Variants in SPAG17 observed in about 807,000 individuals in gnomAD.
SPAG17 encodes sperm associated antigen 17.
A neutral mutation model predicts 273.6 loss-of-function variants in SPAG17; 169 were observed. The observed-to-expected ratio is 0.62, with a 90% CI of 0.55 to 0.70. The LOEUF (loss-of-function observed/expected upper bound fraction) is 0.70. Among genes scored for constraint, SPAG17 ranks in the 30% least tolerant of loss-of-function variants. The pLI is 0.00. For synonymous variants in SPAG17, 825 were observed against 873.2 expected, an observed-to-expected ratio of 0.94 and a Z score of 0.97; for missense variants, 2,557 against 2,627.8, an observed-to-expected ratio of 0.97 and a Z score of 0.59.
intron 48 of SPAG17, 100 bp downstream of exon 48, chr1:117,963,699 T>C: frequency 8.8e-7 from 1 of 1,136,914 alleles, no homozygotes. Flanking sequence ...GCCAGGTGGC[T>C]TATAGGTTTC....
intron 1 of SPAG17, among the ~76,000 whole-genome samples, chr1:118,180,674 A>G (rs867992417): frequency 2.6e-5 from 4 of 152,090 alleles, no homozygotes; most frequent in Non-Finnish European, 5.9e-5. Flanking sequence ...TTCAAACTAT[A>G]TGATTGTATT....
intron 21 of SPAG17, 152 bp downstream of exon 21, chr1:118,041,651 G>T: frequency 1.0e-6 from 1 of 991,384 alleles, no homozygotes; most frequent in Non-Finnish European, 1.5e-6. Context: ...TAGGTATCAG[G>T]GGTGGAATAC....
At position 118,039,276 on chromosome 1, in the gene SPAG17, C is replaced by A; in HGVS notation, c.3319+16G>T. The A allele has an allele frequency of 6.2e-7, 1 of 1,610,086 alleles. No individual in the cohort carries two copies. The highest frequency in any genetic ancestry group is 8.5e-7 in the Non-Finnish European group (1 of 1,178,286). ...AGTATTAGTCAGAAGAAAGAAACCACTAAACAGCAGCTTACCCGTTTCAAG... is the reference window on the plus strand; with the variant it reads ...AGTATTAGTCAGAAGAAAGAAACCAATAAACAGCAGCTTACCCGTTTCAAG... On this transcript the variant is annotated intron_variant, in intron 23 of 48. Coordinates refer to ENST00000336338, the MANE Select transcript of SPAG17 (RefSeq NM_206996.4).
chr1:118,033,710 C>T lies in SPAG17; in HGVS notation c.3434-1843G>A, dbSNP rs1292042368. Among the ~76,000 whole-genome samples, 3 of 152,350 alleles carry T rather than the reference C, an allele frequency of 2.0e-5. No individual in the cohort carries two copies. In the East Asian group the frequency reaches 5.8e-4, roughly 29 times the overall value. The stretch of plus-strand genomic sequence containing the variant: ...ACAATCTGGTCTTCACCTACCTCCA[C>T]TGCAGCCACACTGAACTTTTCACCT... On this transcript the variant is annotated intron_variant, in intron 24 of 48. Coordinates refer to ENST00000336338, the MANE Select transcript of SPAG17 (RefSeq NM_206996.4).
chr1:117,981,521 G>T, intron 42 of SPAG17, 120 bp from the exon 43 acceptor site: 2 of 1,001,272 alleles, frequency 2.0e-6, no homozygotes, highest in Non-Finnish European at 2.9e-6. Context: ...TACCTTTTCT[G>T]CCACTCTCTT....
At chr1:117,977,360 C>A (rs1450581285) in intron 43 of SPAG17, among the ~76,000 whole-genome samples, 1 of 152,010 alleles carries the variant, frequency 6.6e-6, no homozygotes, top group Non-Finnish European at 1.5e-5. Flanking sequence ...TTTTCTCTTC[C>A]CTACATCAGG....
At chr1:118,020,194 G>A (rs1660366311) in intron 28 of SPAG17, among the ~76,000 whole-genome samples, 3 of 152,134 alleles carry the variant, frequency 2.0e-5, no homozygotes, top group Non-Finnish European at 2.9e-5. Flanking sequence ...CAAGGCAAGC[G>A]GATCACTTTA....
intron 22 of SPAG17, 79 bp from the exon 23 acceptor site, chr1:118,039,523 C>T (rs1267931550): frequency 3.5e-6 from 5 of 1,429,372 alleles, no homozygotes; most frequent in African/African-American, 1.4e-5. Context: ...TTACACAATG[C>T]TGCACAGAAA....
At chr1:118,044,044 T>C (rs147394374) in intron 20 of SPAG17, among the ~76,000 whole-genome samples, 1 of 152,330 alleles carries the variant, frequency 6.6e-6, no homozygotes, top group African/African-American at 2.4e-5. Flanking sequence ...GGTAGCTATA[T>C]GGAATTTACA....
chr1:118,074,412 C>T, intron 16 of SPAG17, 127 bp downstream of exon 16: 1 of 819,772 alleles, frequency 1.2e-6, no homozygotes, highest in Non-Finnish European at 2.0e-6. Context: ...CGAATAGTTC[C>T]TCTTTTCTAG....
chr1:118,065,945 T>C (rs1420290685), intron 18 of SPAG17, among the ~76,000 whole-genome samples: 1 of 151,980 alleles, frequency 6.6e-6, no homozygotes, highest in Non-Finnish European at 1.5e-5. Context: ...GGCAAAGGGA[T>C]AAAATGCGTA....
intron 28 of SPAG17, among the ~76,000 whole-genome samples, chr1:118,018,047 A>G (rs1660144863): frequency 6.6e-6 from 1 of 152,234 alleles, no homozygotes. Context: ...GATCAGCACA[A>G]GCCATGGACT....
At chr1:118,079,545 G>A (rs192693737) in intron 15 of SPAG17, among the ~76,000 whole-genome samples, 2 of 151,684 alleles carry the variant, frequency 1.3e-5, no homozygotes, top group East Asian at 3.9e-4. Flanking sequence ...TTGCATTTTT[G>A]TTCTTCCTAT....
intron 1 of SPAG17, among the ~76,000 whole-genome samples, chr1:118,181,122 A>G (rs898359169): frequency 6.6e-6 from 1 of 152,002 alleles, no homozygotes; most frequent in Non-Finnish European, 1.5e-5. Flanking sequence ...CACAAAGAAA[A>G]TATCTATAGA....
rs143205097 is a variant in SPAG17 at position 117,999,117 on chromosome 1, G to T, written c.4777-2374C>A. Among the ~76,000 whole-genome samples the T allele has an allele frequency of 5.9e-5, 9 of 152,080 alleles. No individual in the cohort carries two copies. The East Asian group carries it at 1.5e-3, about 26-fold the overall frequency. On this transcript the variant is annotated intron_variant, in intron 32 of 48. Coordinates refer to ENST00000336338, the MANE Select transcript of SPAG17 (RefSeq NM_206996.4). Reference sequence around the variant, plus strand: ...GTCCTTGTGACAGTTTTCTGAGAATGATGTTTCCAGTTTCATCCATGTCCC... The same window carrying T: ...GTCCTTGTGACAGTTTTCTGAGAATTATGTTTCCAGTTTCATCCATGTCCC...
chr1:117,967,657 C>T (rs1654031221), intron 46 of SPAG17, among the ~76,000 whole-genome samples: 1 of 151,054 alleles, frequency 6.6e-6, no homozygotes, highest in Non-Finnish European at 1.5e-5. Context: ...TGCCCAACTG[C>T]TTAGTTTGAA....
At chr1:118,148,680 C>T (rs1659202913) in intron 3 of SPAG17, among the ~76,000 whole-genome samples, 1 of 152,226 alleles carries the variant, frequency 6.6e-6, no homozygotes, top group Non-Finnish European at 1.5e-5. Context: ...TAGGCAGCTT[C>T]ACCTCTCACT....
chr1:118,077,923 T>C (rs1260985215), intron 15 of SPAG17, among the ~76,000 whole-genome samples: 1 of 152,204 alleles, frequency 6.6e-6, no homozygotes, highest in Non-Finnish European at 1.5e-5. Context: ...GTTAGCCCTC[T>C]GTTCAAATCC....
chr1:118,080,994 ATAACT>A (rs1240112713), intron 15 of SPAG17, 102 bp downstream of exon 15: 4 of 883,178 alleles, frequency 4.5e-6, no homozygotes, highest in Admixed American at 2.2e-5. Context: ...AATTAACCAA[ATAACT>A]TAAATTCAAA....
Sources: allele counts gnomAD v4.1 joint callset (sites outside exome capture counted in the v4.1 genomes callset), GRCh38; gene constraint gnomAD v4.1.1; transcripts MANE v1.5; gene names NCBI Gene and HGNC (gene_info 2026-07-23, HGNC 2026-07-21).